Variants in BLOC1S3 observed in about 807,000 individuals in gnomAD.
BLOC1S3 encodes biogenesis of lysosomal organelles complex 1 subunit 3.
Under a neutral mutation model 9.1 loss-of-function variants are expected in BLOC1S3, and 7 were observed. That is an observed-to-expected ratio of 0.77 (90% CI 0.44 to 1.45). The LOEUF (loss-of-function observed/expected upper bound fraction) is 1.45. Among genes scored for constraint, BLOC1S3 ranks in the 40% most tolerant of loss-of-function variants. The probability of loss-of-function intolerance (pLI) is 0.01; values close to 1 mark genes in which losing one functional copy is unlikely to be tolerated. For synonymous variants in BLOC1S3, 145 were observed against 158.4 expected (o/e 0.92, Z 0.64); for missense variants, 307 against 315.2 (o/e 0.97, Z 0.20).
chr19:45,194,596 G>A (rs908064254), intron 2 of BLOC1S3, among the ~76,000 whole-genome samples: 1 of 152,134 alleles, frequency 6.6e-6, no homozygotes, highest in Non-Finnish European at 1.5e-5. Flanking sequence ...GACTGGGTAA[G>A]TAAAGCATGC....
At position 45,181,030 on chromosome 19, in the gene BLOC1S3, G is replaced by A. The variant is rs1368864788; in HGVS notation, c.*1125G>A. ...CGTGGGCCACTGCGCCTAGCCAGCTGGGTCCTTGTTCTGCTGCCCAAGCTT... is the reference window on the plus strand; with the variant it reads ...CGTGGGCCACTGCGCCTAGCCAGCTAGGTCCTTGTTCTGCTGCCCAAGCTT... On this transcript the variant is annotated 3_prime_UTR_variant, in exon 2 of 2. Transcript: ENST00000433642. The A allele has an allele frequency of 6.0e-6, 1 of 167,354 alleles. No homozygotes were observed. The allele number at this position is 167,354 out of a possible 1,614,324, so 10.4% of individuals were successfully genotyped here. A position where few individuals can be genotyped will look rare whatever the true frequency, so the allele number is the denominator to read the frequency against.
At chr19:45,184,624 G>T (rs1467546613), downstream of BLOC1S3, among the ~76,000 whole-genome samples, 1 of 151,988 alleles carries the variant, frequency 6.6e-6, no homozygotes, top group Non-Finnish European at 1.5e-5. Context: ...AAAGGGGCCG[G>T]GCGTGGTGGC....
chr19:45,215,868 G>T (rs908552120), intron 3 of BLOC1S3, among the ~76,000 whole-genome samples: 1 of 152,212 alleles, frequency 6.6e-6, no homozygotes, highest in Non-Finnish European at 1.5e-5. Flanking sequence ...TGTGAGCCCT[G>T]GTGGCGGTGG....
At position 45,207,926 on chromosome 19, in the gene BLOC1S3, A is replaced by C. The variant is rs139130891; in HGVS notation, n.282+5419A>C. ...TTTTGATGTTGTATTACAGTTATAT[A>C]AGATGTTAGCATCAGGTAAGTGGAT... is the stretch of plus-strand genomic sequence containing the variant. On this transcript the variant is annotated intron_variant and non_coding_transcript_variant, in intron 3 of 3. Coordinates refer to the BLOC1S3 transcript ENST00000591569. 5.1e-4 allele frequency among the ~76,000 whole-genome samples: 78 copies of C among 152,112 alleles called. 3 individuals carry two copies. In the East Asian group the frequency reaches 0.015, roughly 28 times the overall value.
intron 3 of BLOC1S3, chr19:45,213,236 G>C: frequency 2.5e-6 from 4 of 1,613,066 alleles, no homozygotes; most frequent in Non-Finnish European, 3.4e-6. Flanking sequence ...GCACGGTCCC[G>C]AGGGGGTGAC....
At chr19:45,213,301 C>T (rs773805836) in intron 3 of BLOC1S3, 21 of 1,613,576 alleles carry the variant, frequency 1.3e-5, no homozygotes, top group East Asian at 1.1e-4. Flanking sequence ...GATCTCCTGG[C>T]GGGCGGCTGT....
chr19:45,209,931 T>C (rs1429116779), intron 3 of BLOC1S3, among the ~76,000 whole-genome samples: 6 of 138,300 alleles, frequency 4.3e-5, no homozygotes, highest in African/African-American at 5.4e-5. Flanking sequence ...GGGGTTTCAC[T>C]GTGTTAGCCA....
chr19:45,193,281 C>G (rs959001612), intron 2 of BLOC1S3, among the ~76,000 whole-genome samples: 1 of 151,432 alleles, frequency 6.6e-6, no homozygotes, highest in Non-Finnish European at 1.5e-5. Context: ...GATAGTTGTT[C>G]AGCTGGTTGT....
In BLOC1S3 at chr19:45,179,106, C is replaced by T; in HGVS notation, c.-9-182C>T. The T allele has an allele frequency of 1.7e-6, 1 of 588,712 alleles. No homozygotes were observed. Among genetic ancestry groups the T allele is most frequent in the South Asian group, 3.2e-5 (1 of 31,430 alleles). The allele number at this position is 588,712 out of a possible 1,614,324, so 36.5% of individuals were successfully genotyped here. ...GTTTCCCCATCTGTACGCTGAAGAGCCTGGGGTCCAGTAACCCCCATCATC... is the reference window on the plus strand; with the variant it reads ...GTTTCCCCATCTGTACGCTGAAGAGTCTGGGGTCCAGTAACCCCCATCATC... On this transcript the variant is annotated intron_variant, in intron 1 of 1. Transcript: ENST00000433642. The surrounding 1 kb of genome is among the most constrained non-coding windows in gnomAD (Gnocchi z 4.6).
At chr19:45,189,440 T>C (rs1206503604) in intron 2 of BLOC1S3, among the ~76,000 whole-genome samples, 1 of 151,420 alleles carries the variant, frequency 6.6e-6, no homozygotes, top group East Asian at 1.9e-4. Context: ...TTTTTTTTTT[T>C]TCTTTTTTTG....
chr19:45,195,850 C>G (rs551406177), intron 2 of BLOC1S3, among the ~76,000 whole-genome samples: 1 of 152,346 alleles, frequency 6.6e-6, no homozygotes, highest in South Asian at 2.1e-4. Flanking sequence ...CCGCCTTGGC[C>G]TCCCAAAGTG....
chr19:45,212,993 C>A, intron 3 of BLOC1S3: 1 of 1,396,310 alleles, frequency 7.2e-7, no homozygotes, highest in South Asian at 1.6e-5. Flanking sequence ...GGCAGGGAGT[C>A]AGGAGGGGCG....
chr19:45,210,492 T>G (rs1969760657), intron 3 of BLOC1S3, among the ~76,000 whole-genome samples: 1 of 151,566 alleles, frequency 6.6e-6, no homozygotes, highest in Admixed American at 6.6e-5. Context: ...AGAGATGTGG[T>G]TTCTCCACGT....
At position 45,201,476 on chromosome 19, in the gene BLOC1S3, C is replaced by T. The variant is rs528880982; in HGVS notation, n.181-930C>T. On this transcript the variant is annotated intron_variant and non_coding_transcript_variant, in intron 2 of 3. Coordinates refer to the BLOC1S3 transcript ENST00000591569. ...AGGGCCCGTGGCAACCACTACCTGG[C>T]TTCCACCAATGTTCACACAAGGCCC... Among the ~76,000 whole-genome samples, 3 of 152,258 alleles carry T rather than the reference C, an allele frequency of 2.0e-5. No individual in the cohort carries two copies. In the East Asian group the frequency reaches 5.8e-4, roughly 29 times the overall value.
chr19:45,206,450 G>GTGTTTTTTTTTTTTTTTTTTTTTTT (rs1969726344), intron 3 of BLOC1S3, among the ~76,000 whole-genome samples: 2 of 55,152 alleles, frequency 3.6e-5, no homozygotes, highest in Admixed American at 2.4e-4. Flanking sequence ...GATTAATCAA[G>GTGTTTTTTTTTTTTTTTTTTTTTTT]TTTTTTTTTT....
intron 3 of BLOC1S3, among the ~76,000 whole-genome samples, chr19:45,203,067 A>G (rs1044651778): frequency 2.0e-5 from 3 of 151,682 alleles, no homozygotes; most frequent in Admixed American, 6.6e-5. Context: ...CTTCTCAAGC[A>G]GAAGGAAGGA....
Position 45,206,455 on chromosome 19 carries a change from T to G in BLOC1S3, n.282+3948T>G, listed in dbSNP as rs796189378. 9.5e-5 allele frequency among the ~76,000 whole-genome samples: 11 copies of G among 115,228 alleles called. No homozygotes were observed. In the South Asian group the frequency reaches 2.2e-3, roughly 23 times the overall value. 75.6% of individuals were successfully genotyped at this position (115,228 alleles called of 152,430 possible). A position where few individuals can be genotyped will look rare whatever the true frequency, so the allele number is the denominator to read the frequency against. On this transcript the variant is annotated intron_variant and non_coding_transcript_variant, in intron 3 of 3. Transcript: ENST00000591569. ...CCTTCTTTTGGATTAATCAAGTTTTTTTTTTTTTTTTTTTTTTTGAGCAAG... is the reference window on the plus strand; with the variant it reads ...CCTTCTTTTGGATTAATCAAGTTTTGTTTTTTTTTTTTTTTTTTGAGCAAG...
intron 2 of BLOC1S3, among the ~76,000 whole-genome samples, chr19:45,188,624 G>A (rs60305372): frequency 1.5e-3 from 233 of 151,118 alleles, no homozygotes; most frequent in African/African-American, 5.4e-3. Context: ...CCAGGCTGGA[G>A]TGCAATGGTG....
rs756965386 is a variant in BLOC1S3 at position 45,179,803 on chromosome 19, G to A, written c.507G>A (p.Ala169=). 221 of 1,600,750 alleles carry A rather than the reference G, an allele frequency of 1.4e-4. 1 individual carries two copies. The South Asian group carries it at 2.3e-3, about 17-fold the overall frequency. ...SVRLARGDLC[A]LAERLDIVAG... ...GCCTGGCGCGCGGGGACCTTTGTGC[G>A]CTGGCCGAGCGTCTGGACATCGTGG... The change falls in exon 2 of 2, where the codon GCG becomes GCA. Residue 169 remains alanine (A), a synonymous_variant. Coordinates refer to ENST00000433642, the MANE Select transcript of BLOC1S3 (RefSeq NM_212550.5). The surrounding 1 kb of genome is among the most constrained non-coding windows in gnomAD (Gnocchi z 4.6).
Sources: gnomAD v4.1 joint callset for allele counts (sites outside exome capture counted in the v4.1 genomes callset) on GRCh38, gnomAD v4.1.1 for gene constraint, Gnocchi (gnomAD v3.1) non-coding constraint, MANE v1.5 for transcripts, NCBI Gene and HGNC (gene_info 2026-07-23, HGNC 2026-07-21) for gene names.